The following SS18 variants were observed in gnomAD, a reference collection of about 807,000 sequenced individuals.
SS18 encodes the protein protein SSXT.
SS18 carries 28 observed loss-of-function variants against 72.5 expected under a neutral mutation model. The observed-to-expected ratio is 0.39, with a 90% CI of 0.29 to 0.53. SS18 has a LOEUF of 0.53. Ranked by LOEUF, SS18 falls within the 20% of genes least tolerant of loss-of-function variation. The pLI is 0.76. For missense variants in SS18, 518 were observed against 535.3 expected, an observed-to-expected ratio of 0.97 and a Z score of 0.32; for synonymous variants, 172 against 164.2, an observed-to-expected ratio of 1.05 and a Z score of -0.37.
Position 26,035,947 on chromosome 18 carries a change from G to C in SS18, c.881-24C>G. The stretch of plus-strand genomic sequence containing the variant: ...ACCTACATCAATTCGACAAGAGACA[G>C]GAAGAAACGTTAATGGCCACTGAGT... On this transcript the variant is annotated intron_variant, in intron 7 of 10. Transcript: ENST00000415083. This position sits in a 1 kb window ranked among gnomAD's most constrained non-coding sequence, Gnocchi z 4.4. 6.5e-7 allele frequency: 1 copy of C among 1,528,254 alleles called. No homozygotes were observed. 94.7% of individuals were successfully genotyped at this position (1,528,254 alleles called of 1,614,324 possible). A position where few individuals can be genotyped will look rare whatever the true frequency, so the allele number is the denominator to read the frequency against.
At chr18:26,088,733 G>T (rs2054661131) in intron 1 of SS18, among the ~76,000 whole-genome samples, 1 of 152,136 alleles carries the variant, frequency 6.6e-6, no homozygotes, top group East Asian at 1.9e-4. Context: ...AGGGACTCAG[G>T]ATATGCTCCT....
intron 5 of SS18, among the ~76,000 whole-genome samples, chr18:26,051,297 C>T (rs887045779): frequency 5.9e-5 from 9 of 152,150 alleles, no homozygotes; most frequent in African/African-American, 1.7e-4. Flanking sequence ...TTACAAAATA[C>T]GACATTTTTA....
At chr18:26,060,628 GA>G (rs1333574159) in intron 3 of SS18, among the ~76,000 whole-genome samples, 9 of 151,718 alleles carry the variant, frequency 5.9e-5, no homozygotes, top group African/African-American at 1.7e-4. Context: ...AAGTCATTCA[GA>G]TTTTGGAGTT....
At chr18:26,039,487 T>A (rs773103261) in intron 5 of SS18, 31 bp from the exon 6 acceptor site, 2 of 1,553,208 alleles carry the variant, frequency 1.3e-6, no homozygotes, top group Non-Finnish European at 1.8e-6. Context: ...ATACACATAA[T>A]TTTTTGTATA....
chr18:26,039,533 T>C, intron 5 of SS18, 77 bp from the exon 6 acceptor site: 4 of 1,359,254 alleles, frequency 2.9e-6, no homozygotes, highest in Non-Finnish European at 4.0e-6. Context: ...AGATAATCTT[T>C]TATCATATAG....
intron 5 of SS18, among the ~76,000 whole-genome samples, chr18:26,041,918 C>T (rs1166290560): frequency 6.6e-6 from 1 of 152,088 alleles, no homozygotes; most frequent in Non-Finnish European, 1.5e-5. Context: ...CCTTCTTTTA[C>T]TGTCACTTCT....
intron 3 of SS18, among the ~76,000 whole-genome samples, chr18:26,070,206 T>A (rs2054289356): frequency 6.6e-6 from 1 of 152,252 alleles, no homozygotes; most frequent in South Asian, 2.1e-4. Flanking sequence ...CAATAGTTTG[T>A]TGTTTCAGAA....
At chr18:26,072,653 C>A (rs976946372) in intron 3 of SS18, among the ~76,000 whole-genome samples, 1 of 151,648 alleles carries the variant, frequency 6.6e-6, no homozygotes, top group Non-Finnish European at 1.5e-5. Flanking sequence ...AAAAATTAGC[C>A]AGGCGTAGTG....
upstream of SS18, chr18:26,090,675 A>AG (rs1178655209): frequency 9.1e-6 from 11 of 1,202,260 alleles, no homozygotes; most frequent in Admixed American, 1.4e-4. Flanking sequence ...GAATGCGGGG[A>AG]GGGGGGATGC....
intron 3 of SS18, among the ~76,000 whole-genome samples, chr18:26,072,796 CAAAAAAAAAAA>C (rs71169810): frequency 3.1e-5 from 1 of 32,746 alleles, no homozygotes. Context: ...GACTCCGTCT[CAAAAAAAAAAA>C]AAAAAAAAAA....
chr18:26,037,469 TA>T (rs537667037), intron 7 of SS18, among the ~76,000 whole-genome samples: 100 of 152,156 alleles, frequency 6.6e-4, no homozygotes, highest in African/African-American at 2.3e-3. Flanking sequence ...GTTTTTAATT[TA>T]AAAAAATCTT....
At chr18:26,082,250 C>T in intron 2 of SS18, 1 of 360,598 alleles carries the variant, frequency 2.8e-6, no homozygotes, top group East Asian at 1.6e-4. Flanking sequence ...CCCACAGAGG[C>T]CACTAAGAGT....
chr18:26,057,798 A>G (rs1259757753), intron 3 of SS18, 56 bp from the exon 4 acceptor site: 3 of 1,515,624 alleles, frequency 2.0e-6, no homozygotes, highest in Non-Finnish European at 2.7e-6. Flanking sequence ...CGAAAGATGC[A>G]TAGGGTAAAA....
intron 5 of SS18, among the ~76,000 whole-genome samples, chr18:26,050,181 G>A (rs990734581): frequency 9.9e-5 from 15 of 151,660 alleles, no homozygotes; most frequent in African/African-American, 3.6e-4. Context: ...GCAGCAGTGA[G>A]CCGAGACTGC....
rs78063558 is a variant in SS18, at chr18:26,056,617, T to C, written c.385+972A>G. Among the ~76,000 whole-genome samples the C allele has an allele frequency of 1.7e-4, 26 of 151,560 alleles. No individual in the cohort carries two copies. The East Asian group carries it at 5.1e-3, about 30-fold the overall frequency. On this transcript the variant is annotated intron_variant, in intron 4 of 10. Transcript: ENST00000415083. The stretch of plus-strand genomic sequence containing the variant: ...TCTTGTTTCCTTACTGCACCCATCA[T>C]CCTTGGACACCAATGCTATCAATCA...
chr18:26,063,428 A>G (rs1447237626), intron 3 of SS18, among the ~76,000 whole-genome samples: 1 of 152,210 alleles, frequency 6.6e-6, no homozygotes, highest in Non-Finnish European at 1.5e-5. Context: ...CTGAGGCAGG[A>G]CAATGGTGTG....
In SS18 at chr18:26,090,548, G is replaced by T; in HGVS notation, c.22C>A (p.Pro8Thr). The T allele has an allele frequency of 6.3e-7, 1 of 1,588,448 alleles. No homozygotes were observed. The highest frequency in any genetic ancestry group is 8.6e-7 in the Non-Finnish European group (1 of 1,168,210). MSVAFAA[P>T]RQRGKGEITP... ...ATCTCCCCCTTGCCTCGCTGCCTCGGGGCCGCGAAAGCCACAGACATGTTG... is the reference window on the plus strand; with the variant it reads ...ATCTCCCCCTTGCCTCGCTGCCTCGTGGCCGCGAAAGCCACAGACATGTTG... The change falls in exon 1 of 11, where the codon CCG (proline) becomes ACG (threonine). Residue 8 changes from proline to threonine, a missense_variant. Pro to Thr is a conservative substitution (Grantham distance 38). Coordinates refer to ENST00000415083, the MANE Select transcript of SS18 (RefSeq NM_001007559.3).
chr18:26,089,993 C>A, intron 1 of SS18: 2 of 160,936 alleles, frequency 1.2e-5, no homozygotes, highest in Non-Finnish European at 2.7e-5. Context: ...CTCCAGCGTT[C>A]CCCAAGTCCT....
chr18:26,046,838 T>C (rs2053832426), intron 5 of SS18, among the ~76,000 whole-genome samples: 1 of 152,214 alleles, frequency 6.6e-6, no homozygotes, highest in African/African-American at 2.4e-5. Flanking sequence ...CAGTGACCAA[T>C]CACTGACAAA....
Sources: gnomAD v4.1 joint callset for allele counts (sites outside exome capture counted in the v4.1 genomes callset) on GRCh38, gnomAD v4.1.1 for gene constraint, Gnocchi (gnomAD v3.1) non-coding constraint, MANE v1.5 for transcripts, NCBI Gene and HGNC (gene_info 2026-07-23, HGNC 2026-07-21) for gene names.